BICRA: variants seen among roughly 807,000 people sequenced by gnomAD.
BICRA encodes the protein BRD4 interacting chromatin remodeling complex associated protein, also known as BRD4-interacting chromatin-remodeling complex-associated protein.
In BICRA, 31 loss-of-function variants were observed where a neutral mutation model predicts 96.9. The ratio of observed to expected loss-of-function variants is 0.32; its 90% CI spans 0.24 to 0.43. BICRA has a LOEUF of 0.43. Among genes scored for constraint, BICRA ranks in the 20% least tolerant of loss-of-function variants. BICRA has a pLI of 1.00. For synonymous variants in BICRA, 1,350 were observed against 1,071.8 expected (o/e 1.26, Z -5.07); for missense variants, 2,283 against 2,190.3 (o/e 1.04, Z -0.84).
In BICRA at chr19:47,679,992, G is replaced by A. The variant is rs774257595; in HGVS notation, c.822G>A (p.Thr274=). ...ASAAGPSEPV[T]LASAGVSPQG... is the part of the protein sequence containing the mutation. ...CGGCTGGCCCCTCGGAGCCCGTGAC[G>A]CTGGCGTCGGCCGGTGTCTCGCCAC... The change falls in exon 6 of 15, where the codon ACG becomes ACA. Residue 274 remains threonine, a synonymous_variant. Coordinates refer to ENST00000594866, the MANE Select transcript of BICRA (RefSeq NM_001394372.1). 8.8e-6 allele frequency: 13 copies of A among 1,482,244 alleles called. No homozygotes were observed. Among genetic ancestry groups the A allele is most frequent in the African/African-American group, 1.4e-5 (1 of 69,456 alleles). 91.8% of individuals were successfully genotyped at this position (1,482,244 alleles called of 1,614,324 possible).
chr19:47,635,595 G>A (rs1394975708), intron 1 of BICRA, among the ~76,000 whole-genome samples: 1 of 151,908 alleles, frequency 6.6e-6, no homozygotes, highest in African/African-American at 2.4e-5. Context: ...GATACCTGTT[G>A]AACAATAACT....
chr19:47,685,882 G>A (rs1449818363), intron 7 of BICRA, among the ~76,000 whole-genome samples: 4 of 151,434 alleles, frequency 2.6e-5, no homozygotes, highest in East Asian at 3.9e-4. Context: ...ATTTAGCAAC[G>A]CATCTTGGAG....
Position 47,701,181 on chromosome 19 carries a change from T to C in BICRA, c.3596-147T>C. ...AATTTGGGCCTTGCTGAAGAGGGTC[T>C]CACCAAGCCTATCCTGAGGATTGGA... is the stretch of plus-strand genomic sequence containing the variant. On this transcript the variant is annotated intron_variant, in intron 14 of 14. Transcript: ENST00000594866. This position sits in a 1 kb window ranked among gnomAD's most constrained non-coding sequence, Gnocchi z 5.4. The C allele has an allele frequency of 1.6e-6, 1 of 628,944 alleles. No individual in the cohort carries two copies. Among genetic ancestry groups the C allele is most frequent in the Non-Finnish European group, 2.8e-6 (1 of 356,438 alleles). 39.0% of individuals were successfully genotyped at this position (628,944 alleles called of 1,614,324 possible).
At chr19:47,674,255 G>T (rs952976450) in intron 4 of BICRA, among the ~76,000 whole-genome samples, 1 of 142,072 alleles carries the variant, frequency 7.0e-6, no homozygotes, top group African/African-American at 2.7e-5. Flanking sequence ...GGCTGATGGG[G>T]CCAAACTGAA....
intron 7 of BICRA, among the ~76,000 whole-genome samples, chr19:47,688,857 C>A (rs1225714546): frequency 1.3e-5 from 2 of 152,072 alleles, no homozygotes; most frequent in African/African-American, 4.8e-5. Context: ...GAGTCTCTCT[C>A]TCTCTCTCGC....
chr19:47,677,848 C>T (rs546925204), intron 5 of BICRA, among the ~76,000 whole-genome samples: 8 of 152,302 alleles, frequency 5.3e-5, no homozygotes, highest in South Asian at 4.1e-4. Context: ...TTCAGAATTT[C>T]GAATTTCTCC....
At chr19:47,684,928 T>C (rs1327682891) in intron 7 of BICRA, among the ~76,000 whole-genome samples, 1 of 152,202 alleles carries the variant, frequency 6.6e-6, no homozygotes, top group East Asian at 1.9e-4. Context: ...CAGCGCTCAG[T>C]GAACAGACAC....
intron 7 of BICRA, among the ~76,000 whole-genome samples, chr19:47,693,581 G>A (rs577059276): frequency 6.6e-6 from 1 of 152,324 alleles, no homozygotes. Context: ...CATCAACCCC[G>A]AGCCATGGTA....
At position 47,677,887 on chromosome 19, in the gene BICRA, G is replaced by GGT. The variant is rs1469619204; in HGVS notation, c.151-1427_151-1426dup. 2.0e-5 allele frequency among the ~76,000 whole-genome samples: 3 copies of GGT among 152,252 alleles called. No individual in the cohort carries two copies. The East Asian group carries it at 5.8e-4, about 29-fold the overall frequency. On this transcript the variant is annotated intron_variant, in intron 5 of 14. Transcript: ENST00000594866. The stretch of plus-strand genomic sequence containing the variant: ...TCTGGAAAAGTGGTGCCATATGTGT[G>GGT]GTGTGTGTCATGTCACACGCTTGCC...
chr19:47,648,494 AGCGATCG>A (rs1036337437), intron 1 of BICRA, among the ~76,000 whole-genome samples: 1 of 151,676 alleles, frequency 6.6e-6, no homozygotes, highest in Admixed American at 6.6e-5. Flanking sequence ...CCTGTCAGAT[AGCGATCG>A]GCACCTGCAG....
At chr19:47,636,104 C>A (rs1972297101) in intron 1 of BICRA, among the ~76,000 whole-genome samples, 1 of 152,206 alleles carries the variant, frequency 6.6e-6, no homozygotes, top group African/African-American at 2.4e-5. Context: ...CAGTTCCCAT[C>A]CCCAAGACAG....
At chr19:47,639,674 G>T (rs1272238365) in intron 1 of BICRA, among the ~76,000 whole-genome samples, 4 of 126,184 alleles carry the variant, frequency 3.2e-5, no homozygotes, top group African/African-American at 1.2e-4. Context: ...GGGTTTCTCT[G>T]TGTCGCCCTG....
rs1022806159 is a variant in BICRA at position 47,699,456 on chromosome 19, C to T, written c.3595+51C>T. ...GGGAGGGAGAGGTGCCCCCACCCCACCTGGGCAGAAGAGTTAGATTCAGGG... is the reference window on the plus strand; with the variant it reads ...GGGAGGGAGAGGTGCCCCCACCCCATCTGGGCAGAAGAGTTAGATTCAGGG... On this transcript the variant is annotated intron_variant, in intron 14 of 14. Coordinates refer to ENST00000594866, the MANE Select transcript of BICRA (RefSeq NM_001394372.1). This position sits in a 1 kb window ranked among gnomAD's most constrained non-coding sequence, Gnocchi z 5.0. 95 of 1,046,244 alleles carry T rather than the reference C, an allele frequency of 9.1e-5. No homozygotes were observed. The African/African-American group carries it at 1.4e-3, about 15-fold the overall frequency. 64.8% of individuals were successfully genotyped at this position (1,046,244 alleles called of 1,614,324 possible).
chr19:47,701,895 G>T lies in BICRA; in HGVS notation c.4163G>T (p.Arg1388Leu). 3.4e-6 allele frequency: 5 copies of T among 1,451,676 alleles called. No homozygotes were observed. The highest frequency in any genetic ancestry group is 4.5e-6 in the Non-Finnish European group (5 of 1,110,158). The allele number at this position is 1,451,676 out of a possible 1,614,324, so 89.9% of individuals were successfully genotyped here. A position where few individuals can be genotyped will look rare whatever the true frequency, so the allele number is the denominator to read the frequency against. Residue 1388 changes from arginine (R) to leucine (L), a missense_variant, in exon 15 of 15, where the codon CGC (arginine) becomes CTC (leucine). Arg to Leu is a moderately radical substitution (Grantham distance 102). Transcript: ENST00000594866. The surrounding 1 kb of genome is among the most constrained non-coding windows in gnomAD (Gnocchi z 5.4). ...TAPHCPRLPL[R>L]KTYRENVGGP... Reference sequence around the variant, plus strand: ...CCGCACTGCCCGCGCCTGCCACTGCGCAAGACCTACCGCGAGAACGTGGGG... The same window carrying T: ...CCGCACTGCCCGCGCCTGCCACTGCTCAAGACCTACCGCGAGAACGTGGGG...
intron 7 of BICRA, among the ~76,000 whole-genome samples, chr19:47,685,784 T>TGTGTGCGCGCGC (rs1555790113): frequency 5.2e-5 from 6 of 115,436 alleles, no homozygotes; most frequent in African/African-American, 1.6e-4. Flanking sequence ...TGTGTGTGTG[T>TGTGTGCGCGCGC]GTGCGCGCGC....
At chr19:47,630,159 CTTTT>C (rs778786532) in intron 1 of BICRA, among the ~76,000 whole-genome samples, 1 of 103,444 alleles carries the variant, frequency 9.7e-6, no homozygotes, top group Non-Finnish European at 1.9e-5. Flanking sequence ...TTGGCCAATT[CTTTT>C]TTTTTTTTTT....
At chr19:47,610,610 C>CG (rs1295747634) in intron 1 of BICRA, among the ~76,000 whole-genome samples, 2 of 22,274 alleles carry the variant, frequency 9.0e-5, no homozygotes, top group East Asian at 1.8e-3. Context: ...CTTTTGTCAC[C>CG]CCCCCCCCAC....
Position 47,694,566 on chromosome 19 carries a change from C to T in BICRA, c.2735C>T (p.Pro912Leu). 1 of 1,610,944 alleles carries T rather than the reference C, an allele frequency of 6.2e-7. No individual in the cohort carries two copies. Among genetic ancestry groups the T allele is most frequent in the Non-Finnish European group, 8.5e-7 (1 of 1,178,302 alleles). Residue 912 changes from proline (P) to leucine (L), a missense_variant, in exon 8 of 15, where the codon CCC becomes CTC. Pro to Leu is a moderately conservative substitution (Grantham distance 98, BLOSUM62 -3). Coordinates refer to ENST00000594866, the MANE Select transcript of BICRA (RefSeq NM_001394372.1). The stretch of plus-strand genomic sequence containing the variant: ...TCCGACTTCCAGCTCCAGTTCCCAC[C>T]CAGCCAGGGGCCCCACAAGTCCCCC... Reference protein sequence around the residue: ...TPSDFQLQFPPSQGPHKSPTP... With the variant: ...TPSDFQLQFPLSQGPHKSPTP...
chr19:47,638,596 TTC>T (rs571988559), intron 1 of BICRA, among the ~76,000 whole-genome samples: 10 of 133,740 alleles, frequency 7.5e-5, no homozygotes, highest in Non-Finnish European at 7.8e-5. Flanking sequence ...CTCTCTCTGT[TTC>T]TCTCTCTCTC....
Sources: gnomAD v4.1 joint callset for allele counts (sites outside exome capture counted in the v4.1 genomes callset) on GRCh38, gnomAD v4.1.1 for gene constraint, Gnocchi (gnomAD v3.1) non-coding constraint, MANE v1.5 for transcripts, NCBI Gene and HGNC (gene_info 2026-07-23, HGNC 2026-07-21) for gene names.